PRKN: variants seen among roughly 807,000 people sequenced by gnomAD.
The protein encoded by PRKN is E3 ubiquitin-protein ligase parkin.
Under a neutral mutation model 59.5 loss-of-function variants are expected in PRKN, and 56 were observed. That is an observed-to-expected ratio of 0.94 (90% confidence interval 0.76 to 1.18). The LOEUF (loss-of-function observed/expected upper bound fraction) is 1.18. Among genes scored for constraint, PRKN ranks in the 50% most tolerant of loss-of-function variants. The probability of loss-of-function intolerance (pLI) is 0.00; values close to 1 mark genes in which losing one functional copy is unlikely to be tolerated. For missense variants in PRKN, 657 were observed against 596.4 expected, an observed-to-expected ratio of 1.10 and a Z score of -1.06; for synonymous variants, 250 against 222.1, an observed-to-expected ratio of 1.13 and a Z score of -1.12.
intron 11 of PRKN, among the ~76,000 whole-genome samples, chr6:161,351,117 T>A (rs1409837539): frequency 2.8e-4 from 34 of 121,506 alleles, no homozygotes; most frequent in African/African-American, 1.0e-3. Flanking sequence ...AAAATATATA[T>A]AAATATATTT....
chr6:162,246,635 G>C (rs1562610850), intron 3 of PRKN, among the ~76,000 whole-genome samples: 2 of 151,974 alleles, frequency 1.3e-5, no homozygotes, highest in Non-Finnish European at 2.9e-5. Context: ...GTTTAAGAAA[G>C]GAAAAACTTT....
chr6:162,259,606 T>A (rs1433022589), intron 3 of PRKN, among the ~76,000 whole-genome samples: 1 of 152,246 alleles, frequency 6.6e-6, no homozygotes, highest in African/African-American at 2.4e-5. Context: ...TATAGTCATT[T>A]CAAATCATTC....
intron 4 of PRKN, among the ~76,000 whole-genome samples, chr6:162,195,327 G>A (rs1363427721): frequency 6.6e-6 from 1 of 152,158 alleles, no homozygotes; most frequent in Non-Finnish European, 1.5e-5. Context: ...CACCCCATGT[G>A]AAAACTAGAA....
At chr6:161,623,118 C>T (rs1782966666) in intron 7 of PRKN, among the ~76,000 whole-genome samples, 1 of 152,142 alleles carries the variant, frequency 6.6e-6, no homozygotes, top group South Asian at 2.1e-4. Context: ...TGTAAAAATA[C>T]AATCATGTAC....
chr6:162,330,382 T>C (rs1013637931), intron 2 of PRKN, among the ~76,000 whole-genome samples: 2 of 152,142 alleles, frequency 1.3e-5, no homozygotes, highest in Admixed American at 1.3e-4. Flanking sequence ...TTCTGAGCAA[T>C]AAAAAATTTT....
intron 6 of PRKN, among the ~76,000 whole-genome samples, chr6:161,942,485 C>T (rs980980400): frequency 1.3e-5 from 2 of 151,998 alleles, no homozygotes; most frequent in Non-Finnish European, 2.9e-5. Flanking sequence ...GAACTGAGAT[C>T]GCGCCATTGT....
intron 9 of PRKN, among the ~76,000 whole-genome samples, chr6:161,536,334 C>G (rs919442889): frequency 6.6e-6 from 1 of 151,154 alleles, no homozygotes; most frequent in South Asian, 2.1e-4. Context: ...TAGTAAGGGT[C>G]AAGGGATTAG....
intron 7 of PRKN, among the ~76,000 whole-genome samples, chr6:161,760,198 G>A (rs1167553133): frequency 2.8e-5 from 2 of 70,866 alleles, no homozygotes; most frequent in African/African-American, 1.1e-4. Flanking sequence ...ACTTTAACTG[G>A]GAACATTGTA....
At chr6:161,610,221 A>T (rs1221107626) in intron 7 of PRKN, among the ~76,000 whole-genome samples, 1 of 152,078 alleles carries the variant, frequency 6.6e-6, no homozygotes, top group Non-Finnish European at 1.5e-5. Context: ...CCAGCGTTGC[A>T]TGGGAGCTGG....
intron 1 of PRKN, among the ~76,000 whole-genome samples, chr6:162,618,174 G>A (rs1303461907): frequency 6.6e-6 from 1 of 152,088 alleles, no homozygotes; most frequent in African/African-American, 2.4e-5. Flanking sequence ...ACTGTTTGGA[G>A]CACATTTCAG....
chr6:161,863,118 A>G (rs1225601068), intron 6 of PRKN, among the ~76,000 whole-genome samples: 1 of 152,200 alleles, frequency 6.6e-6, no homozygotes, highest in African/African-American at 2.4e-5. Flanking sequence ...ACAACGTGAA[A>G]ACTGTTTCTT....
chr6:161,588,099 TG>T lies in PRKN; in HGVS notation c.872-18684del, dbSNP rs1562543770. On this transcript the variant is annotated intron_variant, in intron 7 of 11. Coordinates refer to ENST00000366898, the MANE Select transcript of PRKN (RefSeq NM_004562.3). This position sits in a 1 kb window ranked among gnomAD's most constrained non-coding sequence, Gnocchi z 5.0. ...TTATTAGGATTAAAAATTTACTCTA[TG>T]GGGGGCTGGGCGCGGTGGCTCATGC... Among the ~76,000 whole-genome samples, 1 of 152,154 alleles carries T rather than the reference TG, an allele frequency of 6.6e-6. No homozygotes were observed. Among genetic ancestry groups the T allele is most frequent in the South Asian group, 2.1e-4 (1 of 4,826 alleles).
At chr6:161,512,279 C>T (rs186919632) in intron 9 of PRKN, among the ~76,000 whole-genome samples, 102 of 109,510 alleles carry the variant, frequency 9.3e-4, no homozygotes, top group Non-Finnish European at 1.6e-3. Flanking sequence ...TTTAAAACAA[C>T]TCTAAGGAAA....
chr6:161,383,511 T>C (rs1182332343), intron 10 of PRKN, among the ~76,000 whole-genome samples: 1 of 152,132 alleles, frequency 6.6e-6, no homozygotes, highest in African/African-American at 2.4e-5. Flanking sequence ...TAGCAAGAGA[T>C]CGGATGGCAG....
intron 2 of PRKN, among the ~76,000 whole-genome samples, chr6:162,330,919 G>T (rs530674370): frequency 6.6e-6 from 1 of 152,330 alleles, no homozygotes; most frequent in Admixed American, 6.5e-5. Flanking sequence ...GGAGGCAGGT[G>T]AGTGACTGCA....
intron 1 of PRKN, among the ~76,000 whole-genome samples, chr6:162,651,315 G>A (rs1175887695): frequency 6.6e-6 from 1 of 152,126 alleles, no homozygotes; most frequent in Admixed American, 6.5e-5. Context: ...CCCTTTGCAT[G>A]ATCACACATA....
At chr6:162,196,915 T>C (rs1478468255) in intron 4 of PRKN, among the ~76,000 whole-genome samples, 9 of 152,134 alleles carry the variant, frequency 5.9e-5, no homozygotes, top group Admixed American at 5.2e-4. Context: ...CCATTTAGAC[T>C]CATGATATGA....
chr6:162,097,313 A>G (rs1346885985), intron 4 of PRKN, among the ~76,000 whole-genome samples: 1 of 152,240 alleles, frequency 6.6e-6, no homozygotes, highest in African/African-American at 2.4e-5. Context: ...GCTGGAACAC[A>G]TATTATGTGT....
rs918799247 is a variant in PRKN at position 162,337,121 on chromosome 6, A to G, written c.172-74356T>C. 3.3e-5 allele frequency among the ~76,000 whole-genome samples: 5 copies of G among 152,220 alleles called. 1 individual carries two copies. The highest frequency in any genetic ancestry group is 7.3e-5 in the Non-Finnish European group (5 of 68,046). ...AATTAGTAAACTCTCATCTCTAAAA[A>G]GGAACCCCAAATATTGACTTGAAAA... On this transcript the variant is annotated intron_variant, in intron 2 of 11. Transcript: ENST00000366898.
Sources: allele counts gnomAD v4.1 joint callset (sites outside exome capture counted in the v4.1 genomes callset), GRCh38; gene constraint gnomAD v4.1.1; non-coding constraint Gnocchi (gnomAD v3.1); transcripts MANE v1.5; gene names NCBI Gene and HGNC (gene_info 2026-07-23, HGNC 2026-07-21).